Variants in GRK5 observed in about 807,000 individuals in gnomAD.
The protein encoded by GRK5 is g protein-coupled receptor kinase GRK5.
GRK5 carries 40 observed loss-of-function variants against 78.4 expected under a neutral mutation model. The observed-to-expected ratio is 0.51, with a 90% confidence interval of 0.40 to 0.66. The LOEUF (loss-of-function observed/expected upper bound fraction) is 0.66. Among genes scored for constraint, GRK5 ranks in the 30% least tolerant of loss-of-function variants. The pLI, the probability that GRK5 is intolerant of heterozygous loss-of-function variation, is 0.00. For missense variants in GRK5, 598 were observed against 759.9 expected, an observed-to-expected ratio of 0.79 and a Z score of 2.50; for synonymous variants, 289 against 296.8, an observed-to-expected ratio of 0.97 and a Z score of 0.27.
At chr10:119,406,072 A>G (rs1852234740) in intron 4 of GRK5, among the ~76,000 whole-genome samples, 1 of 152,200 alleles carries the variant, frequency 6.6e-6, no homozygotes, top group Admixed American at 6.5e-5. Context: ...TGAATGTGAG[A>G]GCCCTGATGA....
chr10:119,229,032 G>A lies in GRK5; in HGVS notation c.52+21063G>A, dbSNP rs1015648163. Among the ~76,000 whole-genome samples the A allele has an allele frequency of 5.3e-5, 8 of 152,164 alleles. No homozygotes were observed. The East Asian group carries it at 1.5e-3, about 29-fold the overall frequency. On this transcript the variant is annotated intron_variant, in intron 1 of 15. Coordinates refer to ENST00000392870, the MANE Select transcript of GRK5 (RefSeq NM_005308.3). ...CATCATTAAGGCTAGATGCCTTAAC[G>A]CATCTAGCATACTGTTTTGACTCCG...
At chr10:119,373,509 C>T (rs1018269408) in intron 2 of GRK5, among the ~76,000 whole-genome samples, 5 of 152,196 alleles carry the variant, frequency 3.3e-5, no homozygotes, top group African/African-American at 4.8e-5. Flanking sequence ...CCATGTAAGA[C>T]GTCCCTTGCT....
At chr10:119,434,008 G>A (rs766088759) in intron 8 of GRK5, among the ~76,000 whole-genome samples, 9 of 152,330 alleles carry the variant, frequency 5.9e-5, no homozygotes, top group East Asian at 1.9e-4. Context: ...CTTACATGGC[G>A]GTGGCAAGAG....
chr10:119,292,517 C>G (rs1322391505), intron 1 of GRK5, among the ~76,000 whole-genome samples: 1 of 152,202 alleles, frequency 6.6e-6, no homozygotes, highest in Non-Finnish European at 1.5e-5. Flanking sequence ...AATTCTCACC[C>G]TCAGGGCCTA....
rs1289705715 is a variant in GRK5 at position 119,253,177 on chromosome 10, A to T, written c.52+45208A>T. ...CACAGGTTTGACAGAGGGTGTCTACACCACCCAGTGCCCCCTTGAGCTCAC... is the reference window on the plus strand; with the variant it reads ...CACAGGTTTGACAGAGGGTGTCTACTCCACCCAGTGCCCCCTTGAGCTCAC... On this transcript the variant is annotated intron_variant, in intron 1 of 15. Coordinates refer to ENST00000392870, the MANE Select transcript of GRK5 (RefSeq NM_005308.3). This position sits in a 1 kb window ranked among gnomAD's most constrained non-coding sequence, Gnocchi z 5.7. Among the ~76,000 whole-genome samples the T allele has an allele frequency of 6.6e-6, 1 of 152,152 alleles. No homozygotes were observed. The highest frequency in any genetic ancestry group is 2.4e-5 in the African/African-American group (1 of 41,414).
chr10:119,385,680 C>A (rs1053275150), intron 3 of GRK5, among the ~76,000 whole-genome samples: 1 of 152,108 alleles, frequency 6.6e-6, no homozygotes, highest in Non-Finnish European at 1.5e-5. Context: ...AAGTTTTGAC[C>A]TGAACAAATG....
intron 2 of GRK5, among the ~76,000 whole-genome samples, chr10:119,366,990 C>T (rs1283168273): frequency 3.9e-5 from 6 of 152,186 alleles, no homozygotes; most frequent in Non-Finnish European, 4.4e-5. Context: ...ATGATAGCAC[C>T]TGTTCTGGAA....
At chr10:119,235,952 G>A (rs1848917886) in intron 1 of GRK5, among the ~76,000 whole-genome samples, 1 of 152,156 alleles carries the variant, frequency 6.6e-6, no homozygotes, top group Non-Finnish European at 1.5e-5. Flanking sequence ...TCAGGGGCCC[G>A]AACCCCTGGG....
At chr10:119,211,175 A>G (rs1848480790) in intron 1 of GRK5, among the ~76,000 whole-genome samples, 1 of 152,220 alleles carries the variant, frequency 6.6e-6, no homozygotes, top group Non-Finnish European at 1.5e-5. Flanking sequence ...CTCATGAGAA[A>G]ACATCAACTC....
chr10:119,355,505 G>A (rs1406166669), intron 2 of GRK5, among the ~76,000 whole-genome samples: 1 of 152,240 alleles, frequency 6.6e-6, no homozygotes, highest in South Asian at 2.1e-4. Flanking sequence ...TCCTGGCTAG[G>A]TGTGGTGGCT....
intron 2 of GRK5, among the ~76,000 whole-genome samples, chr10:119,351,698 G>C (rs1211752471): frequency 6.6e-6 from 1 of 152,156 alleles, no homozygotes; most frequent in Non-Finnish European, 1.5e-5. Context: ...TGAATGACTG[G>C]TATCTGGAAA....
intron 2 of GRK5, among the ~76,000 whole-genome samples, chr10:119,347,832 C>G (rs1461292597): frequency 1.3e-5 from 2 of 152,224 alleles, no homozygotes; most frequent in Admixed American, 6.5e-5. Flanking sequence ...CCTGAGTCTT[C>G]CCTGGGGGGC....
rs185517973 is a variant in GRK5 at position 119,390,367 on chromosome 10, G to A, written c.262-6328G>A. On this transcript the variant is annotated intron_variant, in intron 3 of 15. Coordinates refer to ENST00000392870, the MANE Select transcript of GRK5 (RefSeq NM_005308.3). ...ATGGCGGGAGACAAGAGAAGAGAGC[G>A]TGTGCAGCAGAACTGCCCTTTATAA... Among the ~76,000 whole-genome samples, 15 of 152,284 alleles carry A rather than the reference G, an allele frequency of 9.9e-5. No homozygotes were observed. In the East Asian group the frequency reaches 1.4e-3, roughly 14 times the overall value.
rs138077941 is a variant in GRK5, at chr10:119,385,252, GTTTTATTTTA to G, written c.261+4344_261+4353del. Among the ~76,000 whole-genome samples, 8 of 151,466 alleles carry G rather than the reference GTTTTATTTTA, an allele frequency of 5.3e-5. No individual in the cohort carries two copies. In the East Asian group the frequency reaches 5.9e-4, roughly 11 times the overall value. ...GAGCAGTGGCATGGTCTGACTTGGG[GTTTTATTTTA>G]TTTTATTTTATTTTATTTATGAGAC... On this transcript the variant is annotated intron_variant, in intron 3 of 15. Transcript: ENST00000392870.
intron 2 of GRK5, among the ~76,000 whole-genome samples, chr10:119,362,166 T>G (rs1389875605): frequency 6.6e-6 from 1 of 152,184 alleles, no homozygotes; most frequent in Non-Finnish European, 1.5e-5. Context: ...TGTTTAATCA[T>G]TTAGATAAAG....
rs144566278 is a variant in GRK5, at chr10:119,247,880, C to A, written c.52+39911C>A. On this transcript the variant is annotated intron_variant, in intron 1 of 15. Coordinates refer to ENST00000392870, the MANE Select transcript of GRK5 (RefSeq NM_005308.3). The stretch of plus-strand genomic sequence containing the variant: ...TTATAGGGGCACATATATATACAGA[C>A]AATCATGAAAGTCCCCCCCACCCTG... Among the ~76,000 whole-genome samples the A allele has an allele frequency of 3.9e-4, 60 of 152,262 alleles. 1 individual carries two copies. The East Asian group carries it at 0.011, about 28-fold the overall frequency.
At position 119,232,511 on chromosome 10, in the gene GRK5, C is replaced by A. The variant is rs1419937191; in HGVS notation, c.52+24542C>A. 4.6e-5 allele frequency among the ~76,000 whole-genome samples: 7 copies of A among 152,284 alleles called. No individual in the cohort carries two copies. In the East Asian group the frequency reaches 1.3e-3, roughly 29 times the overall value. On this transcript the variant is annotated intron_variant, in intron 1 of 15. Transcript: ENST00000392870. Reference sequence around the variant, plus strand: ...AACTGATATGGTTTGGCTGTGTTCCCACCCACATCTCATCTTGAATTCCCA... The same window carrying A: ...AACTGATATGGTTTGGCTGTGTTCCAACCCACATCTCATCTTGAATTCCCA...
chr10:119,403,037 C>T (rs1439201741), intron 4 of GRK5, among the ~76,000 whole-genome samples: 1 of 152,188 alleles, frequency 6.6e-6, no homozygotes, highest in African/African-American at 2.4e-5. Context: ...AACTGTTGTA[C>T]CTGTTAGCAG....
Position 119,455,625 on chromosome 10 carries a change from C to T in GRK5, c.*558C>T. 1 of 276,934 alleles carries T rather than the reference C, an allele frequency of 3.6e-6. No homozygotes were observed. The highest frequency in any genetic ancestry group is 6.9e-6 in the Non-Finnish European group (1 of 144,840). 17.2% of individuals were successfully genotyped at this position (276,934 alleles called of 1,614,324 possible). ...AATGTAGAAAGTGATCCATACTTCACCTTTGAAGGATTGGTTGTATTTACC... is the reference window on the plus strand; with the variant it reads ...AATGTAGAAAGTGATCCATACTTCATCTTTGAAGGATTGGTTGTATTTACC... On this transcript the variant is annotated 3_prime_UTR_variant, in exon 16 of 16. Coordinates refer to ENST00000392870, the MANE Select transcript of GRK5 (RefSeq NM_005308.3).
Sources: gnomAD v4.1 joint callset for allele counts (sites outside exome capture counted in the v4.1 genomes callset) on GRCh38, gnomAD v4.1.1 for gene constraint, Gnocchi (gnomAD v3.1) non-coding constraint, MANE v1.5 for transcripts, NCBI Gene and HGNC (gene_info 2026-07-23, HGNC 2026-07-21) for gene names.